The following STPG2 variants were observed in gnomAD, a reference collection of about 807,000 sequenced individuals.
STPG2 encodes sperm-tail PG-rich repeat-containing protein 2.
Under a neutral mutation model 54.2 loss-of-function variants are expected in STPG2, and 56 were observed. The ratio of observed to expected loss-of-function variants is 1.03; its 90% CI spans 0.83 to 1.29. The LOEUF is 1.29. Ranked by LOEUF, STPG2 falls within the 50% of genes most tolerant of loss-of-function variation. The probability of loss-of-function intolerance (pLI) is 0.00; values close to 1 mark genes in which losing one functional copy is unlikely to be tolerated. For missense variants in STPG2, 596 were observed against 544.9 expected (o/e 1.09, Z -0.93); for synonymous variants, 200 against 181.8 (o/e 1.10, Z -0.81).
chr4:97,598,867 G>T (rs561961827), intron 10 of STPG2, among the ~76,000 whole-genome samples: 44 of 152,120 alleles, frequency 2.9e-4, no homozygotes, highest in Non-Finnish European at 4.9e-4. Flanking sequence ...ACCTGGCAAA[G>T]ATTTCATGAC....
At chr4:98,087,560 CTT>C (rs70955916) in intron 5 of STPG2, among the ~76,000 whole-genome samples, 659 of 132,208 alleles carry the variant, frequency 5.0e-3, no homozygotes, top group South Asian at 0.022. Flanking sequence ...CTCTTTTTTT[CTT>C]TTTTTTTTTT....
chr4:98,029,346 G>C (rs1736524282), intron 5 of STPG2, among the ~76,000 whole-genome samples: 1 of 151,974 alleles, frequency 6.6e-6, no homozygotes, highest in African/African-American at 2.4e-5. Context: ...GTTCCCTCAA[G>C]CATTCTGAAT....
chr4:97,591,857 C>A (rs1022758475), intron 10 of STPG2, among the ~76,000 whole-genome samples: 1 of 151,962 alleles, frequency 6.6e-6, no homozygotes, highest in Non-Finnish European at 1.5e-5. Context: ...GAATTTGTTG[C>A]GATTCATAAG....
intron 4 of STPG2, among the ~76,000 whole-genome samples, chr4:97,479,249 T>C (rs1197718123): frequency 6.6e-6 from 1 of 151,902 alleles, no homozygotes; most frequent in East Asian, 1.9e-4. Context: ...TCACTGATCG[T>C]ATATATGGGT....
chr4:97,926,500 C>T lies in STPG2; in HGVS notation c.1044+17397G>A, dbSNP rs139642526. Among the ~76,000 whole-genome samples, 230 of 152,208 alleles carry T rather than the reference C, an allele frequency of 1.5e-3. 1 individual carries two copies. The highest frequency in any genetic ancestry group is 5.3e-3 in the African/African-American group (222 of 41,540). On this transcript the variant is annotated intron_variant, in intron 8 of 10. Coordinates refer to ENST00000295268, the MANE Select transcript of STPG2 (RefSeq NM_174952.3). ...GCCATCACCATTAGAAGAACATGCTCCACCTATCCTGCTGGTCCCAAGAAC... is the reference window on the plus strand; with the variant it reads ...GCCATCACCATTAGAAGAACATGCTTCACCTATCCTGCTGGTCCCAAGAAC...
At chr4:97,698,597 A>C (rs1723663138) in intron 10 of STPG2, among the ~76,000 whole-genome samples, 2 of 152,120 alleles carry the variant, frequency 1.3e-5, no homozygotes. Context: ...GCTAGTGGTC[A>C]CTAAGGTTGA....
intron 9 of STPG2, among the ~76,000 whole-genome samples, chr4:97,752,812 T>C (rs1436819661): frequency 1.3e-5 from 2 of 151,812 alleles, no homozygotes; most frequent in Admixed American, 1.3e-4. Flanking sequence ...CAGGGCTCTA[T>C]TCAGATTCTA....
intron 9 of STPG2, among the ~76,000 whole-genome samples, chr4:97,778,523 A>C (rs1365624853): frequency 6.6e-6 from 1 of 152,192 alleles, no homozygotes; most frequent in Non-Finnish European, 1.5e-5. Flanking sequence ...ATAGCTGAAC[A>C]AAAGGCAGCA....
intron 8 of STPG2, among the ~76,000 whole-genome samples, chr4:97,929,107 C>A (rs777820363): frequency 1.3e-5 from 2 of 152,178 alleles, no homozygotes; most frequent in Non-Finnish European, 2.9e-5. Context: ...TCATTTAGCT[C>A]CCACTTGTGA....
intron 5 of STPG2, among the ~76,000 whole-genome samples, chr4:98,101,013 A>ATT (rs1739018056): frequency 6.6e-6 from 1 of 151,838 alleles, no homozygotes; most frequent in Non-Finnish European, 1.5e-5. Flanking sequence ...GAGGTACTCC[A>ATT]AAGTGTTATT....
chr4:97,620,757 A>AT (rs1299574977), intron 10 of STPG2, among the ~76,000 whole-genome samples: 12 of 152,256 alleles, frequency 7.9e-5, no homozygotes, highest in Admixed American at 2.0e-4. Context: ...ATTACCAAGG[A>AT]TATTCAGGAC....
At position 97,528,479 on chromosome 4, in the gene STPG2, A is replaced by G. The variant is rs560952173; in HGVS notation, c.462+184220T>C. ...TTTTGCTTAGGATTGTCTTGGCTAT[A>G]AGGGCTCTTTTTGGTTAAATATGAA... is the stretch of plus-strand genomic sequence containing the variant. On this transcript the variant is annotated intron_variant, in intron 4 of 4. Coordinates refer to the STPG2 transcript ENST00000522676. Among the ~76,000 whole-genome samples the G allele has an allele frequency of 2.0e-5, 3 of 152,088 alleles. No individual in the cohort carries two copies. In the South Asian group the frequency reaches 6.2e-4, roughly 32 times the overall value.
chr4:97,606,509 G>A (rs1457816323), intron 10 of STPG2, among the ~76,000 whole-genome samples: 1 of 151,930 alleles, frequency 6.6e-6, no homozygotes, highest in Non-Finnish European at 1.5e-5. Flanking sequence ...CAAGTTCAGA[G>A]ATACATATAA....
At chr4:97,756,332 G>GT (rs1725731160) in intron 9 of STPG2, among the ~76,000 whole-genome samples, 2 of 152,076 alleles carry the variant, frequency 1.3e-5, no homozygotes, top group South Asian at 2.1e-4. Flanking sequence ...ATTTTGTTTT[G>GT]TTTTTTGAGA....
chr4:97,444,974 T>C (rs1729182886), intron 4 of STPG2, among the ~76,000 whole-genome samples: 1 of 152,098 alleles, frequency 6.6e-6, no homozygotes, highest in Non-Finnish European at 1.5e-5. Flanking sequence ...GAGGCAGAGC[T>C]TGCAGTGAGT....
At chr4:97,443,670 C>T (rs1276397776) in intron 4 of STPG2, among the ~76,000 whole-genome samples, 2 of 152,056 alleles carry the variant, frequency 1.3e-5, no homozygotes, top group Non-Finnish European at 2.9e-5. Context: ...CAATCCCACA[C>T]TGGAAAAGTA....
rs1202163078 is a variant in STPG2, at chr4:97,834,716, C to T, written c.1204+6057G>A. Among the ~76,000 whole-genome samples, 3 of 152,138 alleles carry T rather than the reference C, an allele frequency of 2.0e-5. No individual in the cohort carries two copies. The East Asian group carries it at 5.8e-4, about 29-fold the overall frequency. ...TTTTATACAATTTAGACTAACCCTGCTTATTCCTGTGTTCAACCAGTGATC... is the reference window on the plus strand; with the variant it reads ...TTTTATACAATTTAGACTAACCCTGTTTATTCCTGTGTTCAACCAGTGATC... On this transcript the variant is annotated intron_variant, in intron 9 of 10. Transcript: ENST00000295268.
intron 5 of STPG2, among the ~76,000 whole-genome samples, chr4:98,068,326 C>T (rs1737895292): frequency 6.6e-6 from 1 of 152,136 alleles, no homozygotes; most frequent in Non-Finnish European, 1.5e-5. Flanking sequence ...AGTATCCCTT[C>T]TTAGCATTTG....
chr4:97,447,942 GC>G (rs747739934), intron 4 of STPG2, among the ~76,000 whole-genome samples: 2 of 152,106 alleles, frequency 1.3e-5, no homozygotes, highest in Non-Finnish European at 2.9e-5. Context: ...AAAGCTGCAG[GC>G]ACTCAACACC....
Sources: gnomAD v4.1 joint callset for allele counts (sites outside exome capture counted in the v4.1 genomes callset) on GRCh38, gnomAD v4.1.1 for gene constraint, MANE v1.5 for transcripts, NCBI Gene and HGNC (gene_info 2026-07-23, HGNC 2026-07-21) for gene names.